LARGE1: variants seen among roughly 807,000 people sequenced by gnomAD.
LARGE1 encodes the protein LARGE xylosyl- and glucuronyltransferase 1, also known as xylosyl- and glucuronyltransferase LARGE1.
LARGE1 carries 43 observed loss-of-function variants against 87.6 expected under a neutral mutation model. That is an observed-to-expected ratio of 0.49 (90% confidence interval 0.38 to 0.63). The LOEUF is 0.63. Ranked by LOEUF, LARGE1 falls within the 30% of genes least tolerant of loss-of-function variation. The probability of loss-of-function intolerance (pLI) is 0.00; values close to 1 mark genes in which losing one functional copy is unlikely to be tolerated. For synonymous variants in LARGE1, 434 were observed against 394.6 expected (o/e 1.10, Z -1.18); for missense variants, 802 against 1,000.2 (o/e 0.80, Z 2.67).
At chr22:33,695,817 A>G (rs939955384) in intron 2 of LARGE1, among the ~76,000 whole-genome samples, 3 of 152,198 alleles carry the variant, frequency 2.0e-5, no homozygotes, top group Admixed American at 6.5e-5. Flanking sequence ...TATGTAACCC[A>G]AACACTTTTC....
At position 33,814,135 on chromosome 22, in the gene LARGE1, G is replaced by A. The variant is rs111485507; in HGVS notation, c.-82-52577C>T. ...CATGACATAGTATTCACTCTTGTTC[G>A]ACCATTTCAAATTCCAGAATGCTCT... On this transcript the variant is annotated intron_variant, in intron 1 of 14. Coordinates refer to ENST00000397394, the MANE Select transcript of LARGE1 (RefSeq NM_133642.5). Among the ~76,000 whole-genome samples the A allele has an allele frequency of 5.0e-3, 758 of 152,122 alleles. 6 individuals are homozygous for A. Among genetic ancestry groups the A allele is most frequent in the African/African-American group, 0.017 (697 of 41,502 alleles).
At chr22:33,140,885 A>G in the LARGE1 span, among the ~76,000 whole-genome samples, 1 of 152,146 alleles carries the variant, frequency 6.6e-6, no homozygotes, top group African/African-American at 2.4e-5. Context: ...TTTCATATAT[A>G]CATCTACCCT....
intron 2 of LARGE1, among the ~76,000 whole-genome samples, chr22:33,756,908 G>C (rs1410869885): frequency 6.6e-6 from 1 of 152,198 alleles, no homozygotes; most frequent in African/African-American, 2.4e-5. Context: ...TGGCAACCGA[G>C]ACACGGAGTG....
At chr22:33,680,095 G>C (rs550545138) in intron 2 of LARGE1, among the ~76,000 whole-genome samples, 7 of 152,240 alleles carry the variant, frequency 4.6e-5, no homozygotes, top group Admixed American at 3.9e-4. Context: ...GCCCTGATTT[G>C]TTCCACTCAA....
At chr22:33,614,901 A>C (rs2149028250) in intron 4 of LARGE1, among the ~76,000 whole-genome samples, 1 of 152,314 alleles carries the variant, frequency 6.6e-6, no homozygotes, top group South Asian at 2.1e-4. Context: ...TCTCGGGTGC[A>C]GTTCCAGGGT....
intron 9 of LARGE1, among the ~76,000 whole-genome samples, chr22:33,363,823 GA>G (rs2064475871): frequency 6.7e-6 from 1 of 149,804 alleles, no homozygotes; most frequent in Non-Finnish European, 1.5e-5. Flanking sequence ...GAGTCAATCT[GA>G]TAACTGAGAT....
chr22:33,296,028 C>T lies in LARGE1; in HGVS notation c.1730+8201G>A, dbSNP rs550313172. Among the ~76,000 whole-genome samples, 13 of 152,300 alleles carry T rather than the reference C, an allele frequency of 8.5e-5. No individual in the cohort carries two copies. In the East Asian group the frequency reaches 9.6e-4, roughly 11 times the overall value. On this transcript the variant is annotated intron_variant, in intron 12 of 14. Transcript: ENST00000397394. ...AGTTTACTGAGCACTTGACCATGTG[C>T]GAGGCTCTGTGCTAGAGACTCTGTC...
chr22:33,791,606 G>A (rs971559036), intron 1 of LARGE1, among the ~76,000 whole-genome samples: 9 of 152,164 alleles, frequency 5.9e-5, no homozygotes, highest in Admixed American at 2.0e-4. Flanking sequence ...ATATCTCACT[G>A]CTAACAATGC....
At chr22:33,377,297 G>A (rs895867238) in intron 9 of LARGE1, among the ~76,000 whole-genome samples, 2 of 152,190 alleles carry the variant, frequency 1.3e-5, no homozygotes, top group Non-Finnish European at 2.9e-5. Context: ...AACTTCTGCA[G>A]GCACGTCTGC....
intron 1 of LARGE1, among the ~76,000 whole-genome samples, chr22:33,772,564 C>A (rs181295232): frequency 6.6e-6 from 1 of 152,012 alleles, no homozygotes; most frequent in Non-Finnish European, 1.5e-5. Context: ...TGGACTGCAT[C>A]CTTATCCCTC....
intron 11 of LARGE1, among the ~76,000 whole-genome samples, chr22:33,315,418 C>T (rs1936046431): frequency 6.6e-6 from 1 of 152,188 alleles, no homozygotes; most frequent in Admixed American, 6.5e-5. Flanking sequence ...CATCAATACA[C>T]ATAGAAGGAA....
intron 6 of LARGE1, among the ~76,000 whole-genome samples, chr22:33,548,494 C>A (rs948781955): frequency 3.8e-4 from 58 of 152,156 alleles, no homozygotes; most frequent in African/African-American, 1.3e-3. Context: ...CTGCTCACTG[C>A]AATCTCCACC....
intron 10 of LARGE1, among the ~76,000 whole-genome samples, chr22:33,333,460 T>C (rs190951711): frequency 0.011 from 1,700 of 152,292 alleles, 9 homozygotes; most frequent in South Asian, 0.019. Flanking sequence ...AACTCCAAGC[T>C]TCTCAGCACA....
chr22:33,794,725 T>C (rs1280218749), intron 1 of LARGE1, among the ~76,000 whole-genome samples: 1 of 151,970 alleles, frequency 6.6e-6, no homozygotes, highest in Non-Finnish European at 1.5e-5. Flanking sequence ...GTTCAAGCAA[T>C]TCTCCTGACT....
chr22:33,371,092 A>C (rs2064792984), intron 9 of LARGE1, among the ~76,000 whole-genome samples: 1 of 151,298 alleles, frequency 6.6e-6, no homozygotes, highest in East Asian at 1.9e-4. Flanking sequence ...AATAATACAT[A>C]TTATATAACA....
At chr22:33,644,635 G>A (rs753366266) in intron 3 of LARGE1, among the ~76,000 whole-genome samples, 55 of 152,190 alleles carry the variant, frequency 3.6e-4, no homozygotes, top group Non-Finnish European at 6.8e-4. Flanking sequence ...TCTGTTTGCA[G>A]ATGACATGAT....
chr22:33,728,802 T>G (rs1019537351), intron 2 of LARGE1, among the ~76,000 whole-genome samples: 1 of 152,204 alleles, frequency 6.6e-6, no homozygotes, highest in Admixed American at 6.5e-5. Flanking sequence ...TTATCAAGTC[T>G]ACAAACACAC....
rs149628975 is a variant in LARGE1 at position 33,247,428 on chromosome 22, CCTTT to C, written c.1730+56797_1730+56800del. Among the ~76,000 whole-genome samples, 1,131 of 152,204 alleles carry C rather than the reference CCTTT, an allele frequency of 7.4e-3. 2 individuals are homozygous for C. The highest frequency in any genetic ancestry group is 0.027 in the Middle Eastern group (8 of 294). On this transcript the variant is annotated intron_variant, in intron 11 of 11. Transcript: ENST00000608642. The stretch of plus-strand genomic sequence containing the variant: ...AATCATTACAGCTGATAATTTTCTT[CCTTT>C]GTCAGTGAAAGAAACTAATGATATA...
intron 5 of LARGE1, among the ~76,000 whole-genome samples, chr22:33,568,592 T>C (rs1012275232): frequency 7.3e-5 from 11 of 151,660 alleles, no homozygotes; most frequent in African/African-American, 2.4e-4. Flanking sequence ...CAGGGAGAAA[T>C]GCCATCTCTA....
Sources: allele counts gnomAD v4.1 joint callset (sites outside exome capture counted in the v4.1 genomes callset), GRCh38; gene constraint gnomAD v4.1.1; transcripts MANE v1.5; gene names NCBI Gene and HGNC (gene_info 2026-07-23, HGNC 2026-07-21).